Variants in ANKRD13A observed in about 807,000 individuals in gnomAD.
The protein encoded by ANKRD13A is ankyrin repeat domain-containing protein 13A.
Under a neutral mutation model 81.3 loss-of-function variants are expected in ANKRD13A, and 48 were observed. The ratio of observed to expected loss-of-function variants is 0.59; its 90% CI spans 0.47 to 0.75. The LOEUF is 0.75. Among genes scored for constraint, ANKRD13A ranks in the 30% least tolerant of loss-of-function variants. ANKRD13A has a pLI of 0.00. For missense variants in ANKRD13A, 612 were observed against 734.0 expected (o/e 0.83, Z 1.92); for synonymous variants, 230 against 270.1 (o/e 0.85, Z 1.45).
At position 110,018,196 on chromosome 12, in the gene ANKRD13A, A is replaced by G. The variant is rs1366027188; in HGVS notation, c.401-149A>G. 5 of 741,734 alleles carry G rather than the reference A, an allele frequency of 6.7e-6. No individual in the cohort carries two copies. Among genetic ancestry groups the G allele is most frequent in the African/African-American group, 3.6e-5 (2 of 56,048 alleles). The allele number at this position is 741,734 out of a possible 1,614,324, so 45.9% of individuals were successfully genotyped here. On this transcript the variant is annotated intron_variant, in intron 4 of 14. Coordinates refer to ENST00000261739, the MANE Select transcript of ANKRD13A (RefSeq NM_033121.2). The surrounding 1 kb of genome is among the most constrained non-coding windows in gnomAD (Gnocchi z 4.4). Reference sequence around the variant, plus strand: ...TTATTTTTCAAGAGTGATTTCCTGTATGGTAAATATGAAAGCCAAGAAGTC... The same window carrying G: ...TTATTTTTCAAGAGTGATTTCCTGTGTGGTAAATATGAAAGCCAAGAAGTC...
At chr12:110,016,455 A>T in intron 4 of ANKRD13A, 22 bp downstream of exon 4, 1 of 1,563,602 alleles carries the variant, frequency 6.4e-7, no homozygotes, top group Non-Finnish European at 8.7e-7. Context: ...TGGGCTCGTT[A>T]TTTATTTCTC....
intron 1 of ANKRD13A, among the ~76,000 whole-genome samples, chr12:110,011,664 G>A (rs563740912): frequency 6.6e-5 from 10 of 152,262 alleles, no homozygotes; most frequent in South Asian, 6.2e-4. Flanking sequence ...AGTGTTGTCC[G>A]GTGATTGCAT....
Position 110,013,791 on chromosome 12 carries a change from T to C in ANKRD13A, c.354+542T>C, listed in dbSNP as rs182419982. The stretch of plus-strand genomic sequence containing the variant: ...GGTGACAGAGCAAGACCTAAAATAA[T>C]AATAAATATAATAATATAATAATAA... On this transcript the variant is annotated intron_variant, in intron 3 of 14. Transcript: ENST00000261739. Among the ~76,000 whole-genome samples, 1,232 of 151,274 alleles carry C rather than the reference T, an allele frequency of 8.1e-3. 10 individuals carry two copies. Among genetic ancestry groups the C allele is most frequent in the Non-Finnish European group, 0.014 (978 of 67,772 alleles).
chr12:110,018,855 T>C lies in ANKRD13A; in HGVS notation c.545-284T>C, dbSNP rs1890927993. Among the ~76,000 whole-genome samples, 1 of 152,180 alleles carries C rather than the reference T, an allele frequency of 6.6e-6. No individual in the cohort carries two copies. The highest frequency in any genetic ancestry group is 1.5e-5 in the Non-Finnish European group (1 of 68,028). Reference sequence around the variant, plus strand: ...TTTCTGTGAATTCTGTAATAATATATTTTATAAAGGACATTGATGGAATAT... The same window carrying C: ...TTTCTGTGAATTCTGTAATAATATACTTTATAAAGGACATTGATGGAATAT... On this transcript the variant is annotated intron_variant, in intron 5 of 14. Coordinates refer to ENST00000261739, the MANE Select transcript of ANKRD13A (RefSeq NM_033121.2). This position sits in a 1 kb window ranked among gnomAD's most constrained non-coding sequence, Gnocchi z 4.4.
intron 12 of ANKRD13A, chr12:110,032,337 G>A (rs1891741680): frequency 2.0e-5 from 3 of 152,096 alleles, no homozygotes; most frequent in Admixed American, 2.0e-4. Context: ...CTCCCCTGTA[G>A]TCTACCAGTA....
chr12:110,037,488 G>T lies in ANKRD13A; in HGVS notation c.1707G>T (p.Glu569Asp). The change falls in exon 15 of 15, where the codon GAG becomes GAT. Residue 569 changes from glutamate (E) to aspartate (D), a missense_variant. Glu to Asp is a conservative substitution (Grantham distance 45). Coordinates refer to ENST00000261739, the MANE Select transcript of ANKRD13A (RefSeq NM_033121.2). ...CTGCCAAAGAGCTGGAGGAATGGGA[G>T]CTCCGGCTCCAGGAGGAAGAGGCTG... Reference protein sequence around the residue: ...ELSAKELEEWELRLQEEEAEL... With the variant: ...ELSAKELEEWDLRLQEEEAEL... The T allele has an allele frequency of 6.2e-7, 1 of 1,614,192 alleles. No homozygotes were observed. The highest frequency in any genetic ancestry group is 8.5e-7 in the Non-Finnish European group (1 of 1,180,046).
intron 5 of ANKRD13A, 91 bp from the exon 6 acceptor site, chr12:110,019,048 A>C: frequency 7.3e-7 from 1 of 1,363,816 alleles, no homozygotes; most frequent in Admixed American, 2.3e-5. Context: ...GAGGACACAC[A>C]TGAAAGATGA....
chr12:110,023,890 G>T, intron 6 of ANKRD13A, 156 bp from the exon 7 acceptor site: 1 of 693,898 alleles, frequency 1.4e-6, no homozygotes, highest in Admixed American at 2.6e-5. Context: ...TAAGCCATCT[G>T]TCATTGCTAA....
At position 110,026,134 on chromosome 12, in the gene ANKRD13A, T is replaced by C. The variant is rs560785686; in HGVS notation, c.883+311T>C. Among the ~76,000 whole-genome samples the C allele has an allele frequency of 2.7e-3, 403 of 152,036 alleles. 3 individuals are homozygous for C. The highest frequency in any genetic ancestry group is 8.9e-3 in the African/African-American group (370 of 41,532). ...CCACCACCACGCCCGGCTAATTTTT[T>C]GTATTTTCAGTAGAGACGGGGTTTC... On this transcript the variant is annotated intron_variant, in intron 8 of 14. Coordinates refer to ENST00000261739, the MANE Select transcript of ANKRD13A (RefSeq NM_033121.2).
At chr12:110,033,519 G>A (rs1399157561) in intron 12 of ANKRD13A, among the ~76,000 whole-genome samples, 6 of 152,034 alleles carry the variant, frequency 3.9e-5, no homozygotes, top group Non-Finnish European at 7.4e-5. Context: ...GTGACTGTGC[G>A]TATATGTTTA....
intron 10 of ANKRD13A, 133 bp from the exon 11 acceptor site, chr12:110,029,345 A>G (rs1195591336): frequency 5.1e-6 from 5 of 977,632 alleles, no homozygotes; most frequent in African/African-American, 3.2e-5. Context: ...TTGACCTTTA[A>G]TAGGTCTGAA....
At chr12:110,026,842 A>G (rs1019886297) in intron 8 of ANKRD13A, among the ~76,000 whole-genome samples, 1 of 152,150 alleles carries the variant, frequency 6.6e-6, no homozygotes, top group African/African-American at 2.4e-5. Flanking sequence ...AGATTGTCCC[A>G]CTGCACTCCA....
intron 7 of ANKRD13A, 126 bp from the exon 8 acceptor site, chr12:110,025,616 C>G: frequency 1.4e-6 from 1 of 699,560 alleles, no homozygotes; most frequent in Non-Finnish European, 2.5e-6. Context: ...TGATAGTTAA[C>G]CATTTCTCAT....
At chr12:110,027,486 C>A in intron 8 of ANKRD13A, 2 of 528,432 alleles carry the variant, frequency 3.8e-6, no homozygotes, top group Non-Finnish European at 6.8e-6. Context: ...CATTATTCTG[C>A]TTTAATTCTT....
intron 6 of ANKRD13A, 140 bp downstream of exon 6, chr12:110,019,468 A>T (rs746476099): frequency 1.2e-4 from 86 of 737,838 alleles, no homozygotes; most frequent in Non-Finnish European, 1.6e-4. Context: ...TTTAAGATTG[A>T]TCTCTAACCA....
chr12:110,025,264 G>C (rs532862340), intron 7 of ANKRD13A, among the ~76,000 whole-genome samples: 2 of 151,764 alleles, frequency 1.3e-5, no homozygotes, highest in South Asian at 4.2e-4. Context: ...GCTGAGGCAC[G>C]AGAATCGCTT....
In ANKRD13A at chr12:110,029,518, T is replaced by G. The variant is rs1202279592; in HGVS notation, c.1117T>G (p.Ser373Ala). ...MLWMCEEFPL[S>A]LVEQVIPIID... is the part of the protein sequence containing the mutation. ...GTGGATGTGTGAAGAGTTTCCCCTCTCTCTGGTGGAGCAGGTCATTCCCAT... is the reference window on the plus strand; with the variant it reads ...GTGGATGTGTGAAGAGTTTCCCCTCGCTCTGGTGGAGCAGGTCATTCCCAT... The change falls in exon 11 of 15, where the codon TCT becomes GCT. Residue 373 changes from serine (S) to alanine (A), a missense_variant. Ser to Ala is a moderately conservative substitution (Grantham distance 99). Transcript: ENST00000261739. 6.2e-7 allele frequency: 1 copy of G among 1,613,784 alleles called. No homozygotes were observed. The highest frequency in any genetic ancestry group is 1.1e-5 in the South Asian group (1 of 91,090).
At chr12:110,037,262 C>T in intron 14 of ANKRD13A, 97 bp from the exon 15 acceptor site, 2 of 1,222,708 alleles carry the variant, frequency 1.6e-6, no homozygotes, top group Non-Finnish European at 2.3e-6. Flanking sequence ...ATGCCTGGCA[C>T]AGTGTGCCCT....
Position 110,038,502 on chromosome 12 carries a change from C to T in ANKRD13A, c.*948C>T, listed in dbSNP as rs1892192460. ...CTAGGAAGAGCCCGCATGCCCTAGA[C>T]TCACTCCAGAGGAAGGATTGATTTG... On this transcript the variant is annotated 3_prime_UTR_variant, in exon 15 of 15. Transcript: ENST00000261739. The T allele has an allele frequency of 6.6e-6, 1 of 152,604 alleles. No individual in the cohort carries two copies. Among genetic ancestry groups the T allele is most frequent in the Admixed American group, 6.5e-5 (1 of 15,276 alleles). 9.5% of individuals were successfully genotyped at this position (152,604 alleles called of 1,614,324 possible).
Sources: allele counts gnomAD v4.1 joint callset (sites outside exome capture counted in the v4.1 genomes callset), GRCh38; gene constraint gnomAD v4.1.1; non-coding constraint Gnocchi (gnomAD v3.1); transcripts MANE v1.5; gene names NCBI Gene and HGNC (gene_info 2026-07-23, HGNC 2026-07-21).